The following MXD3 variants were observed in gnomAD, a reference collection of about 807,000 sequenced individuals.
MXD3 encodes the protein Max-associated protein 3.
MXD3 carries 20 observed loss-of-function variants against 27.5 expected under a neutral mutation model. The observed-to-expected ratio is 0.73, with a 90% CI of 0.51 to 1.06. The LOEUF is 1.06. Ranked by LOEUF, MXD3 falls within the 50% of genes least tolerant of loss-of-function variation. The pLI is 0.00. For missense variants in MXD3, 298 were observed against 291.3 expected (o/e 1.02, Z -0.17); for synonymous variants, 150 against 130.7 (o/e 1.15, Z -1.01).
intron 4 of MXD3, among the ~76,000 whole-genome samples, chr5:177,308,390 T>C (rs78460002): frequency 6.6e-6 from 1 of 151,822 alleles, no homozygotes; most frequent in African/African-American, 2.4e-5. Context: ...TTTTTTTTTT[T>C]GAAACAGAGT....
chr5:177,307,051 CGTGAA>C (rs1253013043), downstream of MXD3: 2 of 1,452,066 alleles, frequency 1.4e-6, no homozygotes, highest in Admixed American at 2.8e-5. Flanking sequence ...TTCTACCATC[CGTGAA>C]GTGGAGACAG....
chr5:177,308,083 CG>C, intron 4 of MXD3, 119 bp from the exon 5 acceptor site: 1 of 993,724 alleles, frequency 1.0e-6, no homozygotes, highest in Non-Finnish European at 1.4e-6. Context: ...GGGCAGGTGG[CG>C]ACTAAATCCA....
upstream of MXD3, chr5:177,312,423 G>C (rs924971819): frequency 1.0e-6 from 1 of 984,894 alleles, no homozygotes; most frequent in Admixed American, 6.1e-5. Context: ...CTCTCCCGCC[G>C]CTGATCCACA....
rs565515738 is a variant in MXD3, at chr5:177,310,997, T to C, written c.177-300A>G. 5.4e-5 allele frequency: 31 copies of C among 577,442 alleles called. No homozygotes were observed. The East Asian group carries it at 8.0e-4, about 15-fold the overall frequency. 35.8% of individuals were successfully genotyped at this position (577,442 alleles called of 1,614,324 possible). ...GACAGCTAACTGCGGAAACAGATGT[T>C]TCCCAAGCCGGTACTGGAGGGAGGG... is the stretch of plus-strand genomic sequence containing the variant. On this transcript the variant is annotated intron_variant, in intron 2 of 5. Coordinates refer to ENST00000439742, the MANE Select transcript of MXD3 (RefSeq NM_031300.4).
chr5:177,311,920 A>T, upstream of MXD3: 2 of 1,466,978 alleles, frequency 1.4e-6, no homozygotes, highest in Non-Finnish European at 1.8e-6. Context: ...GACACGGTGC[A>T]ACAAACACAG....
intron 2 of MXD3, 136 bp downstream of exon 2, chr5:177,311,243 T>C (rs1761026860): frequency 3.7e-6 from 2 of 543,944 alleles, no homozygotes; most frequent in East Asian, 6.7e-5. Flanking sequence ...AGTGGGGAGA[T>C]GGCAGGAGGG....
At chr5:177,311,711 C>A (rs111894331) in intron 1 of MXD3, 50 bp downstream of exon 1, 2 of 1,578,270 alleles carry the variant, frequency 1.3e-6, no homozygotes, top group Admixed American at 1.7e-5. Flanking sequence ...CAGTCCAGGC[C>A]CGTGTCAGCG....
chr5:177,307,742 C>T (rs987489410), intron 5 of MXD3, 39 bp from the exon 6 acceptor site: 12 of 1,613,194 alleles, frequency 7.4e-6, no homozygotes, highest in African/African-American at 1.3e-5. Flanking sequence ...CCTGGCTCGC[C>T]CCGAGGGCCA....
chr5:177,306,306 G>T (rs1190378646), downstream of MXD3: 4 of 1,574,454 alleles, frequency 2.5e-6, no homozygotes, highest in East Asian at 9.0e-5. Flanking sequence ...TGGGAGGAGG[G>T]TGAATACCAC....
chr5:177,306,866 AAGGGCAGGGC>A, downstream of MXD3: 1 of 724,636 alleles, frequency 1.4e-6, no homozygotes, highest in East Asian at 2.7e-5. Context: ...TAAGCCCGAC[AAGGGCAGGGC>A]TTTTGGTTTT....
At chr5:177,309,092 G>C (rs1760973508) in intron 4 of MXD3, among the ~76,000 whole-genome samples, 1 of 152,240 alleles carries the variant, frequency 6.6e-6, no homozygotes, top group Non-Finnish European at 1.5e-5. Flanking sequence ...GAAGAGCACA[G>C]AGCATTCAGC....
chr5:177,310,810 C>T, intron 2 of MXD3, 113 bp from the exon 3 acceptor site: 2 of 1,246,900 alleles, frequency 1.6e-6, no homozygotes, highest in Admixed American at 2.0e-5. Flanking sequence ...AAACAAGTCC[C>T]CTGTGGAGAG....
downstream of MXD3, chr5:177,306,674 G>A (rs896010292): frequency 2.7e-6 from 4 of 1,469,700 alleles, no homozygotes; most frequent in East Asian, 7.4e-5. Flanking sequence ...CCTGTCTGCT[G>A]TCTACGTGGT....
At chr5:177,305,797 G>A (rs1205274133), downstream of MXD3, 3 of 1,261,176 alleles carry the variant, frequency 2.4e-6, no homozygotes, top group East Asian at 4.7e-5. Flanking sequence ...CATGAAAAGT[G>A]ACAGGGAGTC....
At chr5:177,312,054 A>G (rs527391731), upstream of MXD3, 60 of 1,225,272 alleles carry the variant, frequency 4.9e-5, no homozygotes, top group African/African-American at 8.5e-4. Context: ...GAGTGGTCTC[A>G]GACTTTCCAG....
Position 177,307,823 on chromosome 5 carries a change from CCA to C in MXD3, c.461_462del (p.Leu154ArgfsTer8). The C allele has an allele frequency of 6.2e-7, 1 of 1,612,518 alleles. No individual in the cohort carries two copies. Among genetic ancestry groups the C allele is most frequent in the Non-Finnish European group, 8.5e-7 (1 of 1,179,644 alleles). Reference sequence around the variant, plus strand: ...CGCTCAGAGGAGAGGCCTGAGGAGTCCAGACTGTCCGCCCGCAGCCGCTCCCG... The same window carrying C: ...CGCTCAGAGGAGAGGCCTGAGGAGTCGACTGTCCGCCCGCAGCCGCTCCCG... Reference protein sequence around the residue: ...AERERLRADSLDSSGLSSERS... With the variant: ...AERERLRADSXDSSGLSSERS... On this transcript the variant is annotated frameshift_variant, in exon 5 of 6. Coordinates refer to ENST00000439742, the MANE Select transcript of MXD3 (RefSeq NM_031300.4). LOFTEE classifies it high-confidence loss of function.
chr5:177,309,014 G>A (rs943189977), intron 4 of MXD3, among the ~76,000 whole-genome samples: 1 of 152,228 alleles, frequency 6.6e-6, no homozygotes, highest in Non-Finnish European at 1.5e-5. Flanking sequence ...ACTGGGCGTA[G>A]AAAGATAAGA....
At chr5:177,311,353 A>G in intron 2 of MXD3, 26 bp downstream of exon 2, 1 of 923,114 alleles carries the variant, frequency 1.1e-6, no homozygotes, top group Non-Finnish European at 1.5e-6. Context: ...CCCCACCCCC[A>G]CTCCCGCCGC....
upstream of MXD3, chr5:177,312,733 T>C: frequency 1.0e-6 from 1 of 985,542 alleles, no homozygotes; most frequent in Non-Finnish European, 1.2e-6. Flanking sequence ...GGCCATACCC[T>C]GGAGGCACGC....
Sources: gnomAD v4.1 joint callset for allele counts (sites outside exome capture counted in the v4.1 genomes callset) on GRCh38, gnomAD v4.1.1 for gene constraint, MANE v1.5 for transcripts, NCBI Gene and HGNC (gene_info 2026-07-23, HGNC 2026-07-21) for gene names.